The following CCAR1 variants were observed in gnomAD, a reference collection of about 807,000 sequenced individuals.
The protein encoded by CCAR1 is cell division cycle and apoptosis regulator 1.
Under a neutral mutation model 163.8 loss-of-function variants are expected in CCAR1, and 78 were observed. That is an observed-to-expected ratio of 0.48 (90% CI 0.40 to 0.57). The LOEUF (loss-of-function observed/expected upper bound fraction) is 0.57. Among genes scored for constraint, CCAR1 ranks in the 20% least tolerant of loss-of-function variants. CCAR1 has a pLI of 0.00. For synonymous variants in CCAR1, 443 were observed against 460.7 expected, an observed-to-expected ratio of 0.96 and a Z score of 0.49; for missense variants, 1,019 against 1,365.2, an observed-to-expected ratio of 0.75 and a Z score of 4.00.
At chr10:68,758,673 A>G (rs1169812025) in intron 15 of CCAR1, among the ~76,000 whole-genome samples, 1 of 10,790 alleles carries the variant, frequency 9.3e-5, no homozygotes, top group African/African-American at 1.9e-4. Flanking sequence ...GTATATATAC[A>G]CACGTGTATA....
intron 2 of CCAR1, among the ~76,000 whole-genome samples, chr10:68,730,538 A>G (rs1255022118): frequency 1.3e-5 from 2 of 151,232 alleles, no homozygotes; most frequent in Non-Finnish European, 2.9e-5. Flanking sequence ...GGGTTTCACC[A>G]TTTTGGCCAG....
At chr10:68,730,347 T>A (rs994578131) in intron 2 of CCAR1, among the ~76,000 whole-genome samples, 65 of 147,612 alleles carry the variant, frequency 4.4e-4, no homozygotes, top group South Asian at 3.2e-3. Flanking sequence ...ATATATATAT[T>A]TATTTTTTGA....
chr10:68,751,574 C>T (rs2056331133), intron 10 of CCAR1, among the ~76,000 whole-genome samples: 1 of 151,866 alleles, frequency 6.6e-6, no homozygotes, highest in South Asian at 2.1e-4. Flanking sequence ...TCAATTAGAC[C>T]TTCAGGGGCC....
intron 4 of CCAR1, among the ~76,000 whole-genome samples, chr10:68,738,595 TA>T (rs1208562780): frequency 3.3e-5 from 5 of 151,624 alleles, no homozygotes; most frequent in African/African-American, 1.2e-4. Flanking sequence ...TTTCAGCTTT[TA>T]TTTTTTTTTC....
chr10:68,749,045 G>A (rs1190667398), intron 8 of CCAR1, 91 bp from the exon 9 acceptor site: 37 of 1,466,760 alleles, frequency 2.5e-5, no homozygotes, highest in Non-Finnish European at 2.7e-5. Context: ...GTCACTCTCA[G>A]TTATTTAACT....
In CCAR1 at chr10:68,747,428, A is replaced by G. The variant is rs199831400; in HGVS notation, c.688A>G (p.Ile230Val). ...LKTPPAVLQP[I>V]APQTTFGVQT... Reference sequence around the variant, plus strand: ...GACTCCTCCTGCTGTACTTCAGCCAATTGCACCACAGACAACATTTGGTGT... The same window carrying G: ...GACTCCTCCTGCTGTACTTCAGCCAGTTGCACCACAGACAACATTTGGTGT... Residue 230 changes from isoleucine (I) to valine (V), a missense_variant, in exon 8 of 25, where the codon ATT (isoleucine) becomes GTT (valine). By Grantham distance (29) the Ile-to-Val change is conservative. This residue lies in a region of CCAR1 where 644 missense variants were observed against 904.4 expected (regional missense o/e 0.71). Transcript: ENST00000265872. 371 of 1,614,114 alleles carry G rather than the reference A, an allele frequency of 2.3e-4. 4 individuals carry two copies. Among genetic ancestry groups the G allele is most frequent in the South Asian group, 1.3e-3 (120 of 91,078 alleles).
At chr10:68,733,810 C>A (rs2056072445) in intron 2 of CCAR1, among the ~76,000 whole-genome samples, 1 of 152,012 alleles carries the variant, frequency 6.6e-6, no homozygotes, top group Non-Finnish European at 1.5e-5. Context: ...ATGACAGGCT[C>A]ACGCCACCAC....
In CCAR1 at chr10:68,789,741, G is replaced by A. The variant is rs1332224202; in HGVS notation, c.3219G>A (p.Glu1073=). Residue 1073 remains glutamate (E), a synonymous_variant, in exon 24 of 25, where the codon GAG becomes GAA. Transcript: ENST00000265872. ...DEDEKTILNL[E]NSNKSLSGEL... is the part of the protein sequence containing the mutation. ...ATGAAAAAACCATATTAAATTTGGA[G>A]AATTCCAACAAAAGCCTCTCTGGTG... 1.3e-6 allele frequency: 2 copies of A among 1,586,754 alleles called. No homozygotes were observed. The highest frequency in any genetic ancestry group is 1.8e-5 in the Admixed American group (1 of 54,182).
intron 2 of CCAR1, among the ~76,000 whole-genome samples, chr10:68,729,513 C>G (rs1162636517): frequency 2.6e-5 from 4 of 151,814 alleles, no homozygotes; most frequent in Admixed American, 2.6e-4. Flanking sequence ...TTGTGATCCA[C>G]CCGCCTCGGC....
At chr10:68,748,637 G>A (rs984300021) in intron 8 of CCAR1, among the ~76,000 whole-genome samples, 4 of 151,730 alleles carry the variant, frequency 2.6e-5, no homozygotes, top group Non-Finnish European at 4.4e-5. Flanking sequence ...CTACAGGTGC[G>A]CGCCACCCCG....
At chr10:68,737,112 T>G in intron 3 of CCAR1, 64 bp downstream of exon 3, 29 of 1,052,584 alleles carry the variant, frequency 2.8e-5, no homozygotes, top group Non-Finnish European at 3.7e-5. Context: ...GTAGCTAGCA[T>G]TGCTACCTTC....
chr10:68,761,728 A>G (rs185183221), intron 16 of CCAR1, among the ~76,000 whole-genome samples: 4 of 150,234 alleles, frequency 2.7e-5, no homozygotes, highest in African/African-American at 9.8e-5. Context: ...TTGGCCTCCC[A>G]AGTAGCTGGG....
chr10:68,769,625 AAAAAAT>A (rs1163350337), intron 17 of CCAR1, among the ~76,000 whole-genome samples: 4 of 151,998 alleles, frequency 2.6e-5, no homozygotes, highest in African/African-American at 9.7e-5. Context: ...CATCTCAAAG[AAAAAAT>A]AAATAGGTAC....
At chr10:68,758,746 G>C (rs539286788) in intron 15 of CCAR1, among the ~76,000 whole-genome samples, 2 of 150,948 alleles carry the variant, frequency 1.3e-5, no homozygotes, top group East Asian at 2.0e-4. Context: ...GCAGTGGCAC[G>C]ATCTTAACCT....
chr10:68,753,182 G>T (rs1445163385), intron 10 of CCAR1, among the ~76,000 whole-genome samples: 1 of 151,326 alleles, frequency 6.6e-6, no homozygotes, highest in African/African-American at 2.4e-5. Flanking sequence ...TCTTTTAAAA[G>T]CTCTACTTCT....
At chr10:68,729,142 T>G (rs1277659893) in intron 2 of CCAR1, among the ~76,000 whole-genome samples, 1 of 152,196 alleles carries the variant, frequency 6.6e-6, no homozygotes, top group African/African-American at 2.4e-5. Flanking sequence ...AATAACCACA[T>G]GTATTTGGTG....
chr10:68,775,208 C>T (rs1259951194), intron 19 of CCAR1, among the ~76,000 whole-genome samples: 2 of 152,088 alleles, frequency 1.3e-5, no homozygotes, highest in East Asian at 3.9e-4. Flanking sequence ...TCTGAAATAA[C>T]CACAATTCCA....
chr10:68,722,502 A>G lies in CCAR1; in HGVS notation c.-3A>G, dbSNP rs746217216. 5 of 1,613,396 alleles carry G rather than the reference A, an allele frequency of 3.1e-6. No homozygotes were observed. The highest frequency in any genetic ancestry group is 1.7e-5 in the Admixed American group (1 of 59,976). On this transcript the variant is annotated 5_prime_UTR_variant, in exon 2 of 25. Transcript: ENST00000265872. ...AAGGGAAGGTTTTTTTTCCTTTTGCATCATGGCTCAATTTGGAGGACAGAA... is the reference window on the plus strand; with the variant it reads ...AAGGGAAGGTTTTTTTTCCTTTTGCGTCATGGCTCAATTTGGAGGACAGAA...
chr10:68,770,944 G>A (rs1482346445), intron 17 of CCAR1, among the ~76,000 whole-genome samples: 1 of 152,080 alleles, frequency 6.6e-6, no homozygotes, highest in Non-Finnish European at 1.5e-5. Flanking sequence ...CGGGCGTGGT[G>A]GCGGGCGCCT....
Sources: allele counts gnomAD v4.1 joint callset (sites outside exome capture counted in the v4.1 genomes callset), GRCh38; gene constraint gnomAD v4.1.1; regional missense constraint gnomAD v4.1.1; transcripts MANE v1.5; gene names NCBI Gene and HGNC (gene_info 2026-07-23, HGNC 2026-07-21).